Variants in KTN1 observed in about 807,000 individuals in gnomAD.
The protein encoded by KTN1 is kinectin 1, also known as kinectin.
Under a neutral mutation model 222.5 loss-of-function variants are expected in KTN1, and 130 were observed. That is an observed-to-expected ratio of 0.58 (90% CI 0.51 to 0.68). The LOEUF (loss-of-function observed/expected upper bound fraction) is 0.68. Among genes scored for constraint, KTN1 ranks in the 30% least tolerant of loss-of-function variants. The pLI, the probability that KTN1 is intolerant of heterozygous loss-of-function variation, is 0.00. For missense variants in KTN1, 1,508 were observed against 1,500.4 expected (o/e 1.01, Z -0.08); for synonymous variants, 512 against 496.3 (o/e 1.03, Z -0.42).
Position 55,644,310 on chromosome 14 carries a change from TAA to T in KTN1, c.2172+2554_2172+2555del, listed in dbSNP as rs2042080208. ...TGAGAGATTGAACAGTTTAGTTATG[TAA>T]AAATTTCAGTCCTTTTACCCCATGG... On this transcript the variant is annotated intron_variant, in intron 18 of 43. Coordinates refer to ENST00000395314, the MANE Select transcript of KTN1 (RefSeq NM_001079521.2). 5.8e-6 allele frequency: 4 copies of T among 693,228 alleles called. No homozygotes were observed. In the South Asian group the frequency reaches 6.0e-5, roughly 10 times the overall value. 42.9% of individuals were successfully genotyped at this position (693,228 alleles called of 1,614,324 possible).
intron 15 of KTN1, 80 bp from the exon 16 acceptor site, chr14:55,640,853 A>G: frequency 9.0e-7 from 1 of 1,112,342 alleles, no homozygotes; most frequent in South Asian, 1.3e-5. Flanking sequence ...ACAGCTTTTT[A>G]ATATGTAAAA....
At chr14:55,678,757 C>T in intron 42 of KTN1, 1 of 290,808 alleles carries the variant, frequency 3.4e-6, no homozygotes, top group Non-Finnish European at 6.6e-6. Flanking sequence ...GCCGCCTGAG[C>T]TCTGCCTCCT....
At chr14:55,617,861 A>G in intron 3 of KTN1, 103 bp from the exon 4 acceptor site, 1 of 859,096 alleles carries the variant, frequency 1.2e-6, no homozygotes. Context: ...AGCTACCAGT[A>G]AATGTTTCAA....
chr14:55,584,871 A>G (rs990419075), intron 1 of KTN1, among the ~76,000 whole-genome samples: 5 of 152,146 alleles, frequency 3.3e-5, no homozygotes, highest in Non-Finnish European at 5.9e-5. Flanking sequence ...GATGACCCAC[A>G]TCTGTAATGC....
At chr14:55,660,215 A>C (rs916628232) in intron 31 of KTN1, among the ~76,000 whole-genome samples, 26 of 152,184 alleles carry the variant, frequency 1.7e-4, no homozygotes, top group African/African-American at 6.3e-4. Context: ...CCTCGTCTCT[A>C]CGAAAAGTTT....
At chr14:55,619,718 C>T (rs1185044553) in intron 5 of KTN1, among the ~76,000 whole-genome samples, 1 of 151,962 alleles carries the variant, frequency 6.6e-6, no homozygotes, top group African/African-American at 2.4e-5. Flanking sequence ...GAAATTGCCC[C>T]CATGATTCAA....
chr14:55,623,814 A>G (rs140733284), intron 5 of KTN1, among the ~76,000 whole-genome samples: 17 of 152,348 alleles, frequency 1.1e-4, no homozygotes, highest in Middle Eastern at 3.4e-3. Flanking sequence ...ATGTTACTAT[A>G]TTGCTGTTTA....
chr14:55,630,066 G>C lies in KTN1; in HGVS notation c.1190G>C (p.Ser397Thr). ...HNVFQNKIHV[S>T]YQETQQMQMK... is the part of the protein sequence containing the mutation. Reference sequence around the variant, plus strand: ...GTATTTCAAAACAAAATACATGTCAGTTATCAAGAGACTCAACAGATGCAG... The same window carrying C: ...GTATTTCAAAACAAAATACATGTCACTTATCAAGAGACTCAACAGATGCAG... Residue 397 changes from serine (S) to threonine (T), a missense_variant, in exon 7 of 44, where the codon AGT becomes ACT. Transcript: ENST00000395314. The C allele has an allele frequency of 6.2e-7, 1 of 1,609,486 alleles. No homozygotes were observed. The highest frequency in any genetic ancestry group is 1.1e-5 in the South Asian group (1 of 90,650).
intron 6 of KTN1, 50 bp from the exon 7 acceptor site, chr14:55,629,907 A>C (rs112704526): frequency 7.7e-6 from 9 of 1,163,746 alleles, no homozygotes; most frequent in Middle Eastern, 5.1e-4. Flanking sequence ...TTGCAGGCTT[A>C]TGATACTTAT....
chr14:55,648,867 TC>T lies in KTN1; in HGVS notation c.2365del (p.Gln789ArgfsTer7). ...AAGACTTAAAAGCTAAGCAAAATGA[TC>T]AGGTAATGTAAATTTTTACAACTGT... Reference protein sequence around the residue: ...VQDLKAKQNDQVSFASLVEEL... With the variant: ...VQDLKAKQNDXVSFASLVEEL... On this transcript the variant is annotated frameshift_variant and splice_region_variant, in exon 21 of 44. Transcript: ENST00000395314. LOFTEE classifies it high-confidence loss of function. 1 of 1,569,390 alleles carries T rather than the reference TC, an allele frequency of 6.4e-7. No individual in the cohort carries two copies. Among genetic ancestry groups the T allele is most frequent in the South Asian group, 1.1e-5 (1 of 88,286 alleles).
intron 8 of KTN1, 32 bp from the exon 9 acceptor site, chr14:55,634,491 TAAC>T: frequency 6.4e-7 from 1 of 1,556,174 alleles, no homozygotes; most frequent in Non-Finnish European, 8.7e-7. Flanking sequence ...ATATTTGTAA[TAAC>T]GGAAGGCTCC....
intron 1 of KTN1, among the ~76,000 whole-genome samples, chr14:55,580,881 G>A (rs879905372): frequency 4.6e-5 from 7 of 152,152 alleles, no homozygotes; most frequent in African/African-American, 9.7e-5. Flanking sequence ...CGCTGCCTCC[G>A]GCGGTCTGGG....
Position 55,677,988 on chromosome 14 carries a change from G to A in KTN1, c.3856-364G>A, listed in dbSNP as rs538565610. ...GCTAGGATTACAGGCGTGAGCCACC[G>A]CGCCCAGCAACATGGCCCTTTAAAA... On this transcript the variant is annotated intron_variant, in intron 41 of 43. Transcript: ENST00000395314. Among the ~76,000 whole-genome samples the A allele has an allele frequency of 1.7e-4, 26 of 152,296 alleles. No individual in the cohort carries two copies. The South Asian group carries it at 5.0e-3, about 29-fold the overall frequency.
chr14:55,659,108 T>C (rs891207369), intron 30 of KTN1, among the ~76,000 whole-genome samples: 6 of 152,208 alleles, frequency 3.9e-5, no homozygotes, highest in African/African-American at 1.4e-4. Context: ...AATTAATTTA[T>C]GCATGTATAT....
At chr14:55,660,090 G>T (rs1294843059) in intron 31 of KTN1, among the ~76,000 whole-genome samples, 3 of 152,104 alleles carry the variant, frequency 2.0e-5, no homozygotes, top group African/African-American at 7.2e-5. Context: ...ATTTTTTAAA[G>T]AAATTTTAGG....
chr14:55,678,401 G>C lies in KTN1; in HGVS notation c.3905G>C (p.Gly1302Ala). The C allele has an allele frequency of 6.2e-7, 1 of 1,612,746 alleles. No homozygotes were observed. Among genetic ancestry groups the C allele is most frequent in the East Asian group, 2.2e-5 (1 of 44,848 alleles). The change falls in exon 42 of 44, where the codon GGA becomes GCA. Residue 1302 changes from glycine to alanine, a missense_variant. By Grantham distance (60) the Gly-to-Ala change is moderately conservative. Coordinates refer to ENST00000395314, the MANE Select transcript of KTN1 (RefSeq NM_001079521.2). Reference protein sequence around the residue: ...LIQSKIVKAAGDTTVIENSDV... With the variant: ...LIQSKIVKAAADTTVIENSDV... ...CAGTCAAAAATAGTAAAAGCTGCTG[G>C]AGACACTACTGTTATTGAAAATAGT...
chr14:55,592,926 T>A (rs912524880), intron 1 of KTN1, among the ~76,000 whole-genome samples: 1 of 152,170 alleles, frequency 6.6e-6, no homozygotes, highest in African/African-American at 2.4e-5. Flanking sequence ...ACTTTTCTCT[T>A]TTGCTAGACC....
At chr14:55,618,501 C>T (rs1180731424) in intron 4 of KTN1, among the ~76,000 whole-genome samples, 2 of 152,008 alleles carry the variant, frequency 1.3e-5, no homozygotes, top group Non-Finnish European at 2.9e-5. Context: ...CCCACATATC[C>T]CCTGTTTCCA....
intron 15 of KTN1, 81 bp downstream of exon 15, chr14:55,640,523 AT>A (rs2041670026): frequency 1.1e-6 from 1 of 942,494 alleles, no homozygotes. Flanking sequence ...GTGAGCCCCA[AT>A]TTGATTGTGT....
Sources: allele counts gnomAD v4.1 joint callset (sites outside exome capture counted in the v4.1 genomes callset), GRCh38; gene constraint gnomAD v4.1.1; transcripts MANE v1.5; gene names NCBI Gene and HGNC (gene_info 2026-07-23, HGNC 2026-07-21).